Variants in CHMP4C observed in about 807,000 individuals in gnomAD.
The protein encoded by CHMP4C is charged multivesicular body protein 4C, also known as SNF7 homolog associated with Alix 3.
In CHMP4C, 28 loss-of-function variants were observed where a neutral mutation model predicts 29.0. That is an observed-to-expected ratio of 0.97 (90% confidence interval 0.72 to 1.32). CHMP4C has a LOEUF of 1.32. CHMP4C is among the 40% of genes most tolerant of loss of function. The pLI is 0.00. For missense variants in CHMP4C, 291 were observed against 281.0 expected, an observed-to-expected ratio of 1.04 and a Z score of -0.25; for synonymous variants, 106 against 102.4, an observed-to-expected ratio of 1.04 and a Z score of -0.21.
chr8:81,741,562 A>G (rs1011826011), intron 1 of CHMP4C, among the ~76,000 whole-genome samples: 4 of 152,186 alleles, frequency 2.6e-5, no homozygotes, highest in African/African-American at 9.7e-5. Flanking sequence ...CAAGGGATCT[A>G]ATACTCAGTT....
Position 81,747,070 on chromosome 8 carries a change from A to G in CHMP4C, c.191-5994A>G, listed in dbSNP as rs572690182. 3.9e-5 allele frequency among the ~76,000 whole-genome samples: 6 copies of G among 152,284 alleles called. No homozygotes were observed. In the South Asian group the frequency reaches 1.2e-3, roughly 32 times the overall value. The stretch of plus-strand genomic sequence containing the variant: ...GGGAGCCCAGATTTGAAGGTAAACA[A>G]TCCTAGAGCATGATGTTCTATTGTT... On this transcript the variant is annotated intron_variant, in intron 1 of 4. Transcript: ENST00000297265.
intron 1 of CHMP4C, among the ~76,000 whole-genome samples, chr8:81,744,793 G>C (rs1186623727): frequency 6.6e-6 from 1 of 152,148 alleles, no homozygotes; most frequent in African/African-American, 2.4e-5. Flanking sequence ...TCTGAGACTG[G>C]AGCCTTATTT....
chr8:81,747,079 CATG>C (rs1469066733), intron 1 of CHMP4C, among the ~76,000 whole-genome samples: 1 of 152,108 alleles, frequency 6.6e-6, no homozygotes, highest in Non-Finnish European at 1.5e-5. Flanking sequence ...AATCCTAGAG[CATG>C]ATGTTCTATT....
At chr8:81,737,819 G>C (rs971618708) in intron 1 of CHMP4C, among the ~76,000 whole-genome samples, 1 of 152,102 alleles carries the variant, frequency 6.6e-6, no homozygotes, top group Non-Finnish European at 1.5e-5. Flanking sequence ...ATTAGCTCTT[G>C]GTATAAACTA....
intron 1 of CHMP4C, among the ~76,000 whole-genome samples, chr8:81,743,764 G>T (rs1808791686): frequency 6.6e-6 from 1 of 152,110 alleles, no homozygotes; most frequent in Non-Finnish European, 1.5e-5. Context: ...CTGGTAGCAA[G>T]AATTGCCTCA....
intron 1 of CHMP4C, among the ~76,000 whole-genome samples, chr8:81,734,118 T>C (rs1327873380): frequency 6.6e-6 from 1 of 152,262 alleles, no homozygotes; most frequent in Non-Finnish European, 1.5e-5. Flanking sequence ...GAAAATATTC[T>C]GGGAAGTTAT....
At chr8:81,737,427 A>G (rs1036172477) in intron 1 of CHMP4C, among the ~76,000 whole-genome samples, 2 of 152,224 alleles carry the variant, frequency 1.3e-5, no homozygotes, top group African/African-American at 4.8e-5. Flanking sequence ...GCTAAAGGGT[A>G]TCAATATCTC....
In CHMP4C at chr8:81,741,511, A is replaced by G. The variant is rs1002399509; in HGVS notation, c.190+8695A>G. On this transcript the variant is annotated intron_variant, in intron 1 of 4. Coordinates refer to ENST00000297265, the MANE Select transcript of CHMP4C (RefSeq NM_152284.4). ...GACCACTTATTTCAGGTGATTTTTT[A>G]AGATAAAAGTACCAGATACTCTAAC... Among the ~76,000 whole-genome samples the G allele has an allele frequency of 6.6e-5, 10 of 152,250 alleles. No homozygotes were observed. The East Asian group carries it at 1.5e-3, about 24-fold the overall frequency.
chr8:81,739,421 G>C (rs1047098599), intron 1 of CHMP4C, among the ~76,000 whole-genome samples: 7 of 140,828 alleles, frequency 5.0e-5, no homozygotes, highest in African/African-American at 1.7e-4. Flanking sequence ...GGGATTGTGG[G>C]GGGGGGTGGA....
At chr8:81,747,380 GT>G (rs1808839597) in intron 1 of CHMP4C, among the ~76,000 whole-genome samples, 1 of 151,884 alleles carries the variant, frequency 6.6e-6, no homozygotes, top group African/African-American at 2.4e-5. Flanking sequence ...GGGTCAATGG[GT>G]ACCCGTTCGG....
chr8:81,752,663 G>GA (rs1340124156), intron 1 of CHMP4C, among the ~76,000 whole-genome samples: 1 of 152,108 alleles, frequency 6.6e-6, no homozygotes, highest in East Asian at 1.9e-4. Context: ...TTGCCTTTAA[G>GA]AAAATGGGGC....
intron 1 of CHMP4C, among the ~76,000 whole-genome samples, chr8:81,746,011 G>GTA (rs1808819037): frequency 6.6e-6 from 1 of 152,110 alleles, no homozygotes; most frequent in South Asian, 2.1e-4. Flanking sequence ...TTCCCAAGTT[G>GTA]TTTATTAGGG....
chr8:81,744,341 G>A (rs1049123349), intron 1 of CHMP4C, among the ~76,000 whole-genome samples: 3 of 152,122 alleles, frequency 2.0e-5, no homozygotes, highest in Non-Finnish European at 4.4e-5. Flanking sequence ...GGTTGGGGGT[G>A]GAAGGAACCC....
At chr8:81,745,089 T>G (rs1399231593) in intron 1 of CHMP4C, among the ~76,000 whole-genome samples, 1 of 152,178 alleles carries the variant, frequency 6.6e-6, no homozygotes, top group Admixed American at 6.5e-5. Flanking sequence ...ACCAAAACAA[T>G]GTGCCATAAA....
chr8:81,739,416 T>TGGGGG (rs1554592433), intron 1 of CHMP4C, among the ~76,000 whole-genome samples: 1 of 16,156 alleles, frequency 6.2e-5, no homozygotes, highest in Admixed American at 9.7e-4. Context: ...CCTGGGGGAT[T>TGGGGG]GTGGGGGGGG....
At chr8:81,735,310 T>A (rs566800980) in intron 1 of CHMP4C, among the ~76,000 whole-genome samples, 1 of 152,320 alleles carries the variant, frequency 6.6e-6, no homozygotes, top group East Asian at 1.9e-4. Flanking sequence ...CTGGTTAGCA[T>A]GAGGTCATCT....
At position 81,740,346 on chromosome 8, in the gene CHMP4C, A is replaced by G. The variant is rs138324680; in HGVS notation, c.190+7530A>G. Reference sequence around the variant, plus strand: ...ACCTCAGATCATCAGGTACTGGATTATCATAAGAAGTGCACAACCTAGATC... The same window carrying G: ...ACCTCAGATCATCAGGTACTGGATTGTCATAAGAAGTGCACAACCTAGATC... On this transcript the variant is annotated intron_variant, in intron 1 of 4. Transcript: ENST00000297265. 1.9e-3 allele frequency among the ~76,000 whole-genome samples: 292 copies of G among 152,330 alleles called. 2 individuals carry two copies. Among genetic ancestry groups the G allele is most frequent in the African/African-American group, 6.8e-3 (281 of 41,572 alleles).
At chr8:81,756,416 C>T (rs370888728) in intron 3 of CHMP4C, among the ~76,000 whole-genome samples, 2 of 152,172 alleles carry the variant, frequency 1.3e-5, no homozygotes, top group Non-Finnish European at 2.9e-5. Context: ...AGTTTTTCAA[C>T]TCCTGATGTA....
intron 1 of CHMP4C, among the ~76,000 whole-genome samples, chr8:81,746,557 A>T (rs564363530): frequency 5.7e-4 from 87 of 152,298 alleles, no homozygotes; most frequent in African/African-American, 2.0e-3. Context: ...CTCACAGGAG[A>T]AAAAACAAAG....
Sources: gnomAD v4.1 joint callset for allele counts (sites outside exome capture counted in the v4.1 genomes callset) on GRCh38, gnomAD v4.1.1 for gene constraint, MANE v1.5 for transcripts, NCBI Gene and HGNC (gene_info 2026-07-23, HGNC 2026-07-21) for gene names.